The following CLCN7 variants were observed in gnomAD, a reference collection of about 807,000 sequenced individuals.
CLCN7 encodes Cl-/H+ antiporter 7.
A neutral mutation model predicts 102.1 loss-of-function variants in CLCN7; 60 were observed. The observed-to-expected ratio is 0.59, with a 90% CI of 0.48 to 0.73. The LOEUF (loss-of-function observed/expected upper bound fraction) is 0.73. Among genes scored for constraint, CLCN7 ranks in the 30% least tolerant of loss-of-function variants. CLCN7 has a pLI of 0.00. For missense variants in CLCN7, 962 were observed against 1,125.7 expected (o/e 0.85, Z 2.08); for synonymous variants, 560 against 490.5 (o/e 1.14, Z -1.87).
At chr16:1,461,190 A>C (rs980431510) in intron 4 of CLCN7, among the ~76,000 whole-genome samples, 23 of 152,236 alleles carry the variant, frequency 1.5e-4, no homozygotes, top group African/African-American at 5.3e-4. Context: ...TATGCTGGGC[A>C]CCGCATCTGG....
At position 1,455,115 on chromosome 16, in the gene CLCN7, G is replaced by A. The variant is rs1027187501; in HGVS notation, c.1098+19C>T. 3 of 1,404,154 alleles carry A rather than the reference G, an allele frequency of 2.1e-6. No individual in the cohort carries two copies. The highest frequency in any genetic ancestry group is 1.4e-5 in the African/African-American group (1 of 70,732). 87.0% of individuals were successfully genotyped at this position (1,404,154 alleles called of 1,614,324 possible). On this transcript the variant is annotated intron_variant, in intron 12 of 24. Transcript: ENST00000382745. The stretch of plus-strand genomic sequence containing the variant: ...GACCAGGATACGAGGTGGGCGAGGT[G>A]GGCGATGGGGCAGGTTACCTCCGAG...
At chr16:1,453,479 A>C (rs1041704427) in intron 14 of CLCN7, among the ~76,000 whole-genome samples, 2 of 152,236 alleles carry the variant, frequency 1.3e-5, no homozygotes, top group African/African-American at 4.8e-5. Flanking sequence ...AAGAAGGAAG[A>C]AGCCGGGGGG....
Position 1,458,963 on chromosome 16 carries a change from C to G in CLCN7, c.675+144G>C, listed in dbSNP as rs1012432796. The G allele has an allele frequency of 9.3e-6, 6 of 643,510 alleles. No homozygotes were observed. The African/African-American group carries it at 1.1e-4, about 12-fold the overall frequency. 39.9% of individuals were successfully genotyped at this position (643,510 alleles called of 1,614,324 possible). On this transcript the variant is annotated intron_variant, in intron 7 of 24. Coordinates refer to ENST00000382745, the MANE Select transcript of CLCN7 (RefSeq NM_001287.6). The stretch of plus-strand genomic sequence containing the variant: ...CAGAAAAAAAGGTGACCCCTTCACA[C>G]CCAGCCAGCCCATCTGCACACAGTG...
At position 1,447,026 on chromosome 16, in the gene CLCN7, C is replaced by A; in HGVS notation, c.2311G>T (p.Val771Leu). 3 of 1,600,438 alleles carry A rather than the reference C, an allele frequency of 1.9e-6. No individual in the cohort carries two copies. The highest frequency in any genetic ancestry group is 2.5e-6 in the Non-Finnish European group (3 of 1,177,154). ...CTCACCTGATTGCGGTTGTCCACCA[C>A]CACCAGGTGCCGCAGGCCCAGGGCC... The part of the protein sequence containing the change: ...FRALGLRHLV[V>L]VDNRNQVVGL... Residue 771 changes from valine (V) to leucine (L), a missense_variant, in exon 24 of 25, where the codon GTG becomes TTG. Val to Leu is a conservative substitution (Grantham distance 32). This residue lies in a region of CLCN7 where 799 missense variants were observed against 988.0 expected (regional missense o/e 0.81). Coordinates refer to ENST00000382745, the MANE Select transcript of CLCN7 (RefSeq NM_001287.6).
chr16:1,448,531 C>G, intron 20 of CLCN7, 47 bp from the exon 21 acceptor site: 1 of 1,603,952 alleles, frequency 6.2e-7, no homozygotes, highest in Non-Finnish European at 8.5e-7. Context: ...GCCACCAACT[C>G]CCACAGTTAC....
chr16:1,456,497 G>C (rs2038837536), intron 9 of CLCN7, among the ~76,000 whole-genome samples: 2 of 152,212 alleles, frequency 1.3e-5, no homozygotes, highest in African/African-American at 4.8e-5. Context: ...GCGCACGGAT[G>C]GAAACCCAGC....
rs541070853 is a variant in CLCN7, at chr16:1,457,430, G to T, written c.739-93C>A. The T allele has an allele frequency of 5.3e-4, 496 of 936,828 alleles. 3 individuals are homozygous for T. In the African/African-American group the frequency reaches 7.0e-3, roughly 13 times the overall value. The allele number at this position is 936,828 out of a possible 1,614,324, so 58.0% of individuals were successfully genotyped here. A position where few individuals can be genotyped will look rare whatever the true frequency, so the allele number is the denominator to read the frequency against. On this transcript the variant is annotated intron_variant, in intron 8 of 24. Transcript: ENST00000382745. The surrounding 1 kb of genome is among the most constrained non-coding windows in gnomAD (Gnocchi z 5.4). Reference sequence around the variant, plus strand: ...CGATGCTCAGAGACACGCGTGACGCGGCCCTTCCTGGAGACCAGAAGGACC... The same window carrying T: ...CGATGCTCAGAGACACGCGTGACGCTGCCCTTCCTGGAGACCAGAAGGACC...
chr16:1,456,823 A>C (rs1364141851), intron 9 of CLCN7, among the ~76,000 whole-genome samples: 1 of 151,352 alleles, frequency 6.6e-6, no homozygotes, highest in Non-Finnish European at 1.5e-5. Flanking sequence ...CCTGGGCAAC[A>C]GAGAGACTCC....
At chr16:1,467,076 A>C (rs2745000) in intron 1 of CLCN7, among the ~76,000 whole-genome samples, 90,568 of 151,914 alleles carry the variant, frequency 0.6, 27,787 homozygotes, top group African/African-American at 0.7. Context: ...TGGCCCTGGC[A>C]GGGGAAGGAA....
At chr16:1,468,766 T>G (rs1444808190) in intron 1 of CLCN7, among the ~76,000 whole-genome samples, 1 of 152,104 alleles carries the variant, frequency 6.6e-6, no homozygotes, top group African/African-American at 2.4e-5. Flanking sequence ...TCTACACGCA[T>G]TGCACCGACA....
rs768190489 is a variant in CLCN7 at position 1,447,651 on chromosome 16, G to A, written c.2073+4C>T. ...CGCCCAATGGCCCGGAGCCTGGCACGCACCTTGTGCTTTAGGAGAACGATG... is the reference window on the plus strand; with the variant it reads ...CGCCCAATGGCCCGGAGCCTGGCACACACCTTGTGCTTTAGGAGAACGATG... On this transcript the variant is annotated splice_donor_region_variant and intron_variant, in intron 22 of 24. Transcript: ENST00000382745. The A allele has an allele frequency of 4.3e-5, 67 of 1,554,956 alleles. No homozygotes were observed. Among genetic ancestry groups the A allele is most frequent in the African/African-American group, 2.0e-4 (15 of 73,394 alleles).
At chr16:1,456,527 C>A (rs996368512) in intron 9 of CLCN7, among the ~76,000 whole-genome samples, 4 of 152,190 alleles carry the variant, frequency 2.6e-5, no homozygotes, top group Non-Finnish European at 4.4e-5. Flanking sequence ...CTTTGTCCTG[C>A]GGGACGCTGC....
chr16:1,461,497 A>T, intron 3 of CLCN7, 27 bp from the exon 4 acceptor site: 1 of 1,596,000 alleles, frequency 6.3e-7, no homozygotes, highest in Non-Finnish European at 8.5e-7. Flanking sequence ...CAAGGGCAGC[A>T]CTCAGCACCG....
At position 1,446,838 on chromosome 16, in the gene CLCN7, C is replaced by T. The variant is rs930690425; in HGVS notation, c.2332-121G>A. ...GGGGCCCTGGGGGCTTCAGCACAGCCCCCGAGCTGAGCACGGGGCTGGGGA... is the reference window on the plus strand; with the variant it reads ...GGGGCCCTGGGGGCTTCAGCACAGCTCCCGAGCTGAGCACGGGGCTGGGGA... On this transcript the variant is annotated intron_variant, in intron 24 of 24. Coordinates refer to ENST00000382745, the MANE Select transcript of CLCN7 (RefSeq NM_001287.6). 2.6e-6 allele frequency: 3 copies of T among 1,133,664 alleles called. No individual in the cohort carries two copies. In the Admixed American group the frequency reaches 6.0e-5, roughly 23 times the overall value. 70.2% of individuals were successfully genotyped at this position (1,133,664 alleles called of 1,614,324 possible).
chr16:1,454,452 G>C lies in CLCN7; in HGVS notation c.1112C>G (p.Thr371Arg). The C allele has an allele frequency of 6.2e-7, 1 of 1,613,688 alleles. No individual in the cohort carries two copies. The highest frequency in any genetic ancestry group is 8.5e-7 in the Non-Finnish European group (1 of 1,179,966). ...GATGAAGACCGGGATCTCGTGGATC[G>C]TGTAGGCCATTTTCTGTGCAGAGAG... The part of the protein sequence containing the change: ...GRFDSEKMAY[T>R]IHEIPVFIAM... The change falls in exon 13 of 25, where the codon ACG becomes AGG. Residue 371 changes from threonine to arginine, a missense_variant. Thr to Arg is a moderately conservative substitution (Grantham distance 71). Transcript: ENST00000382745.
Position 1,455,734 on chromosome 16 carries a change from C to T in CLCN7, c.978G>A (p.Arg326=), listed in dbSNP as rs1383230718. ...GCAGCCATCAGCAGGAACTTACGAT[C>T]CTCCAGGTCAGGAACTGGTTCCAGA... is the stretch of plus-strand genomic sequence containing the variant. ...ASFWNQFLTW[R]IFFASMISTF... Residue 326 remains arginine (R), a synonymous_variant, in exon 11 of 25, where the codon AGG becomes AGA. Coordinates refer to ENST00000382745, the MANE Select transcript of CLCN7 (RefSeq NM_001287.6). The T allele has an allele frequency of 6.2e-7, 1 of 1,613,840 alleles. No individual in the cohort carries two copies. The highest frequency in any genetic ancestry group is 8.5e-7 in the Non-Finnish European group (1 of 1,179,968).
In CLCN7 at chr16:1,450,617, G is replaced by A; in HGVS notation, c.1497C>T (p.Phe499=). 2 of 1,612,734 alleles carry A rather than the reference G, an allele frequency of 1.2e-6. No individual in the cohort carries two copies. Residue 499 remains phenylalanine, a synonymous_variant, in exon 17 of 25, where the codon TTC becomes TTT. Coordinates refer to ENST00000382745, the MANE Select transcript of CLCN7 (RefSeq NM_001287.6). ...TLGLFTLVYF[F]LACWTYGLTV... ...TGAGCCCGTAGGTCCAGCAGGCCAG[G>A]AAGAAGTAGACCAGCGTGAACAGGC...
intron 1 of CLCN7, chr16:1,471,673 T>C (rs901938203): frequency 1.3e-5 from 2 of 152,208 alleles, no homozygotes; most frequent in East Asian, 1.9e-4. Context: ...GCGCTATGCA[T>C]GCGTTAACTT....
chr16:1,453,020 T>G (rs2038778420), intron 14 of CLCN7, 127 bp from the exon 15 acceptor site: 10 of 1,376,800 alleles, frequency 7.3e-6, no homozygotes, highest in Non-Finnish European at 1.0e-5. Flanking sequence ...TTTGTTTTTG[T>G]TTTTGAGACG....
Sources: allele counts gnomAD v4.1 joint callset (sites outside exome capture counted in the v4.1 genomes callset), GRCh38; gene constraint gnomAD v4.1.1; regional missense constraint gnomAD v4.1.1; non-coding constraint Gnocchi (gnomAD v3.1); transcripts MANE v1.5; gene names NCBI Gene and HGNC (gene_info 2026-07-23, HGNC 2026-07-21).